EPG5: variants seen among roughly 807,000 people sequenced by gnomAD.
The protein encoded by EPG5 is ectopic P granules protein 5 homolog.
In EPG5, 159 loss-of-function variants were observed where a neutral mutation model predicts 302.7. The observed-to-expected ratio is 0.53, with a 90% CI of 0.46 to 0.60. The LOEUF (loss-of-function observed/expected upper bound fraction) is 0.60. Ranked by LOEUF, EPG5 falls within the 20% of genes least tolerant of loss-of-function variation. The probability of loss-of-function intolerance (pLI) is 0.00; values close to 1 mark genes in which losing one functional copy is unlikely to be tolerated. For synonymous variants in EPG5, 1,158 were observed against 1,136.8 expected, an observed-to-expected ratio of 1.02 and a Z score of -0.37; for missense variants, 2,896 against 3,092.4, an observed-to-expected ratio of 0.94 and a Z score of 1.51.
At position 45,916,606 on chromosome 18, in the gene EPG5, A is replaced by G. The variant is rs752137415; in HGVS notation, c.3240-24T>C. Reference sequence around the variant, plus strand: ...ACCTGCCAAGCACACAGGAGGACGCACTTTACCTTCCGATCAGAACTCAAC... The same window carrying G: ...ACCTGCCAAGCACACAGGAGGACGCGCTTTACCTTCCGATCAGAACTCAAC... On this transcript the variant is annotated intron_variant, in intron 17 of 43. Transcript: ENST00000282041. 34 of 1,575,774 alleles carry G rather than the reference A, an allele frequency of 2.2e-5. No homozygotes were observed. In the South Asian group the frequency reaches 3.2e-4, roughly 15 times the overall value.
chr18:45,818,313 A>G, the EPG5 span, among the ~76,000 whole-genome samples: 2 of 151,976 alleles, frequency 1.3e-5, no homozygotes, highest in African/African-American at 2.4e-5. Context: ...ATTTTTGCCA[A>G]CTTCTGTGAG....
intron 26 of EPG5, among the ~76,000 whole-genome samples, chr18:45,899,895 G>A (rs548451051): frequency 3.9e-5 from 6 of 152,110 alleles, no homozygotes; most frequent in Non-Finnish European, 8.8e-5. Context: ...CACCCTCAAG[G>A]GGTGCCTTAA....
chr18:45,878,515 T>C, intron 33 of EPG5, 67 bp from the exon 34 acceptor site: 2 of 1,001,924 alleles, frequency 2.0e-6, no homozygotes, highest in Middle Eastern at 4.4e-4. Flanking sequence ...GCTCACATTA[T>C]ATAGAAAAAT....
rs776251131 is a variant in EPG5, at chr18:45,910,712, C to G, written c.4014G>C (p.Arg1338Ser). 2 of 1,614,102 alleles carry G rather than the reference C, an allele frequency of 1.2e-6. No homozygotes were observed. The highest frequency in any genetic ancestry group is 1.7e-5 in the Admixed American group (1 of 60,014). Residue 1338 changes from arginine to serine, a missense_variant, in exon 23 of 44, where the codon AGG becomes AGC. Transcript: ENST00000282041. ...TGATATGAGCAGGACTTTGAAAAAA[C>G]CTTCTTCCAATACAACCATCTATGG... ...GLPIDGCIGR[R>S]FFQSPAHINL...
intron 11 of EPG5, among the ~76,000 whole-genome samples, chr18:45,931,526 A>C (rs2050395799): frequency 1.3e-5 from 2 of 152,208 alleles, no homozygotes; most frequent in South Asian, 4.1e-4. Flanking sequence ...AAGGAAAAAA[A>C]GCCCATTTTA....
In EPG5 at chr18:45,876,218, A is replaced by C. The variant is rs2048968624; in HGVS notation, c.6049+18T>G. On this transcript the variant is annotated intron_variant, in intron 35 of 43. Coordinates refer to ENST00000282041, the MANE Select transcript of EPG5 (RefSeq NM_020964.3). ...GGAAAAATGAAAACTAAGCAGAGAC[A>C]GCCTGACATCTTCCTACCTTTAAAA... 1 of 1,556,106 alleles carries C rather than the reference A, an allele frequency of 6.4e-7. No individual in the cohort carries two copies. The highest frequency in any genetic ancestry group is 1.4e-5 in the African/African-American group (1 of 73,816).
chr18:45,934,714 T>C, intron 11 of EPG5, 95 bp downstream of exon 11: 1 of 1,395,224 alleles, frequency 7.2e-7, no homozygotes, highest in Non-Finnish European at 9.7e-7. Flanking sequence ...AGTAAAACAT[T>C]TTCTCTTAGT....
chr18:45,959,428 C>T (rs553537144), intron 1 of EPG5, among the ~76,000 whole-genome samples: 2 of 151,950 alleles, frequency 1.3e-5, no homozygotes, highest in African/African-American at 2.4e-5. Flanking sequence ...AGGTGGATTA[C>T]GAGGTCAGGA....
intron 10 of EPG5, 44 bp from the exon 11 acceptor site, chr18:45,935,010 T>A: frequency 3.2e-6 from 5 of 1,554,418 alleles, no homozygotes; most frequent in Non-Finnish European, 4.4e-6. Context: ...TCAGCTTCAT[T>A]ACACTAAGAA....
At chr18:45,870,939 C>T (rs546538145) in intron 35 of EPG5, among the ~76,000 whole-genome samples, 197 bp from the exon 36 acceptor site, 100 of 152,260 alleles carry the variant, frequency 6.6e-4, no homozygotes, top group Admixed American at 6.5e-4. Context: ...ATTACCCACT[C>T]GGGTAACTGG....
At chr18:45,858,930 C>CT (rs1943570074) in intron 40 of EPG5, 148 bp from the exon 41 acceptor site, 1 of 657,802 alleles carries the variant, frequency 1.5e-6, no homozygotes, top group East Asian at 2.7e-5. Flanking sequence ...GACAACCTTT[C>CT]TTACAGTGAC....
At chr18:45,915,427 G>T in intron 20 of EPG5, 84 bp downstream of exon 20, 1 of 983,034 alleles carries the variant, frequency 1.0e-6, no homozygotes, top group Non-Finnish European at 1.6e-6. Context: ...AGTTAGTTTA[G>T]ACAATTAGTA....
intron 24 of EPG5, among the ~76,000 whole-genome samples, chr18:45,905,173 A>G (rs2049717853): frequency 6.6e-6 from 1 of 152,210 alleles, no homozygotes; most frequent in Non-Finnish European, 1.5e-5. Flanking sequence ...GGTGATCACT[A>G]CACTTTAGAA....
At chr18:45,865,369 G>A (rs1312475480) in intron 39 of EPG5, among the ~76,000 whole-genome samples, 1 of 152,094 alleles carries the variant, frequency 6.6e-6, no homozygotes, top group Middle Eastern at 3.2e-3. Flanking sequence ...AAAGGTCTCT[G>A]ATATCTCCTA....
intron 14 of EPG5, among the ~76,000 whole-genome samples, chr18:45,924,345 T>C (rs1486515361): frequency 6.6e-6 from 1 of 152,228 alleles, no homozygotes; most frequent in East Asian, 1.9e-4. Context: ...CAGCCCCCTG[T>C]AGCTCTTGCC....
chr18:45,935,946 C>G (rs988724151), intron 10 of EPG5, among the ~76,000 whole-genome samples: 1 of 152,176 alleles, frequency 6.6e-6, no homozygotes, highest in Admixed American at 6.5e-5. Flanking sequence ...TCCTCCTCTG[C>G]ACTATTACAG....
chr18:45,911,008 G>A (rs1295587639), intron 22 of EPG5, among the ~76,000 whole-genome samples: 1 of 150,792 alleles, frequency 6.6e-6, no homozygotes, highest in Non-Finnish European at 1.5e-5. Flanking sequence ...TTCTATTCTT[G>A]AAGAACTTGC....
intron 28 of EPG5, among the ~76,000 whole-genome samples, chr18:45,889,246 A>C (rs2049287138): frequency 6.6e-6 from 1 of 152,238 alleles, no homozygotes; most frequent in South Asian, 2.1e-4. Flanking sequence ...CTTTGGAAAG[A>C]AAGAGGACAG....
chr18:45,810,446 A>G, the EPG5 span, among the ~76,000 whole-genome samples: 1 of 152,214 alleles, frequency 6.6e-6, no homozygotes, highest in Non-Finnish European at 1.5e-5. Context: ...CCCAATGAAC[A>G]TGGATGCTAA....
Sources: gnomAD v4.1 joint callset for allele counts (sites outside exome capture counted in the v4.1 genomes callset) on GRCh38, gnomAD v4.1.1 for gene constraint, MANE v1.5 for transcripts, NCBI Gene and HGNC (gene_info 2026-07-23, HGNC 2026-07-21) for gene names.